OLA1: variants seen among roughly 807,000 people sequenced by gnomAD.
OLA1 encodes the protein obg-like ATPase 1.
A neutral mutation model predicts 48.4 loss-of-function variants in OLA1; 14 were observed. That is an observed-to-expected ratio of 0.29 (90% CI 0.19 to 0.45). The LOEUF (loss-of-function observed/expected upper bound fraction) is 0.45, where lower values mean the gene tolerates loss of function less well. Among genes scored for constraint, OLA1 ranks in the 20% least tolerant of loss-of-function variants. The pLI, the probability that OLA1 is intolerant of heterozygous loss-of-function variation, is 1.00. For synonymous variants in OLA1, 127 were observed against 150.4 expected, an observed-to-expected ratio of 0.84 and a Z score of 1.14; for missense variants, 325 against 467.1, an observed-to-expected ratio of 0.70 and a Z score of 2.80.
intron 2 of OLA1, among the ~76,000 whole-genome samples, chr2:174,238,986 ATAAAT>A (rs1461759200): frequency 1.3e-5 from 2 of 152,180 alleles, no homozygotes; most frequent in Non-Finnish European, 2.9e-5. Flanking sequence ...AACCAAAAGA[ATAAAT>A]TAAGAATCTA....
At chr2:174,212,779 T>C (rs1688274200) in intron 4 of OLA1, among the ~76,000 whole-genome samples, 1 of 152,290 alleles carries the variant, frequency 6.6e-6, no homozygotes, top group East Asian at 1.9e-4. Flanking sequence ...GGATCATCAG[T>C]GTCACTGTCT....
chr2:174,205,293 A>G (rs36042902), intron 4 of OLA1, among the ~76,000 whole-genome samples: 19,590 of 152,176 alleles, frequency 0.13, 1,457 homozygotes, highest in East Asian at 0.21. Context: ...AAAAATGGGG[A>G]AAAAAACAAG....
chr2:174,078,976 C>A lies in OLA1; in HGVS notation c.1081G>T (p.Ala361Ser), dbSNP rs757619392. ...EDFKEEGSEN[A>S]VKAAGKYRQQ... The stretch of plus-strand genomic sequence containing the variant: ...TAAAAACAATTCTTTACCTTGACTG[C>A]ATTTTCAGAACCTTCCTCTTTAAAA... Residue 361 changes from alanine to serine, a missense_variant, in exon 10 of 11, where the codon GCA (alanine) becomes TCA (serine). Transcript: ENST00000284719. 1.3e-6 allele frequency: 2 copies of A among 1,599,254 alleles called. No homozygotes were observed. Among genetic ancestry groups the A allele is most frequent in the Non-Finnish European group, 1.7e-6 (2 of 1,174,654 alleles).
intron 4 of OLA1, among the ~76,000 whole-genome samples, chr2:174,142,725 G>T (rs985491925): frequency 2.0e-5 from 3 of 152,198 alleles, no homozygotes; most frequent in Non-Finnish European, 4.4e-5. Flanking sequence ...ACTGAAGCAT[G>T]TGTACTGACT....
chr2:174,244,620 TAA>T (rs368797598), intron 2 of OLA1, among the ~76,000 whole-genome samples: 2 of 149,636 alleles, frequency 1.3e-5, no homozygotes, highest in African/African-American at 2.5e-5. Context: ...TTTATTTAAT[TAA>T]AAAAAAATTT....
chr2:174,102,348 A>C (rs1261081157), intron 7 of OLA1, among the ~76,000 whole-genome samples: 1 of 151,942 alleles, frequency 6.6e-6, no homozygotes, highest in African/African-American at 2.4e-5. Flanking sequence ...AAAAGTTAAC[A>C]ATTCCACAAT....
At chr2:174,234,897 G>A (rs1337382372) in intron 2 of OLA1, among the ~76,000 whole-genome samples, 1 of 152,192 alleles carries the variant, frequency 6.6e-6, no homozygotes. Context: ...GGTAGCCCAA[G>A]CCTGTAATCC....
intron 4 of OLA1, among the ~76,000 whole-genome samples, chr2:174,152,352 G>A (rs2105389201): frequency 6.6e-6 from 1 of 152,190 alleles, no homozygotes; most frequent in East Asian, 1.9e-4. Context: ...GTAGTGGGTG[G>A]AGATTGGGCC....
At chr2:174,186,317 C>T (rs1275232599) in intron 4 of OLA1, among the ~76,000 whole-genome samples, 2 of 152,110 alleles carry the variant, frequency 1.3e-5, no homozygotes, top group African/African-American at 4.8e-5. Flanking sequence ...ATAAGCTTGA[C>T]AAGATAAGGT....
At chr2:174,225,558 A>AT (rs1375909308) in intron 3 of OLA1, among the ~76,000 whole-genome samples, 1 of 152,118 alleles carries the variant, frequency 6.6e-6, no homozygotes, top group East Asian at 1.9e-4. Flanking sequence ...TCAAAAAAAA[A>AT]AGCTTTCTGA....
At chr2:174,158,954 T>A (rs762178207) in intron 4 of OLA1, among the ~76,000 whole-genome samples, 1 of 152,212 alleles carries the variant, frequency 6.6e-6, no homozygotes, top group Admixed American at 6.5e-5. Flanking sequence ...ACTGCTAATA[T>A]GTTATACCTG....
intron 10 of OLA1, 136 bp downstream of exon 10, chr2:174,078,832 C>T: frequency 1.3e-6 from 1 of 795,856 alleles, no homozygotes; most frequent in Non-Finnish European, 1.9e-6. Context: ...TTGATAGTAA[C>T]ACTAAACGCT....
intron 7 of OLA1, among the ~76,000 whole-genome samples, chr2:174,112,839 T>G (rs1402133201): frequency 6.6e-6 from 1 of 152,214 alleles, no homozygotes; most frequent in East Asian, 1.9e-4. Flanking sequence ...TTACCTAGTC[T>G]GTGGTATCTG....
chr2:174,143,761 G>A (rs1275195439), intron 4 of OLA1, among the ~76,000 whole-genome samples: 1 of 152,160 alleles, frequency 6.6e-6, no homozygotes, highest in Non-Finnish European at 1.5e-5. Context: ...GAAAAAAAGA[G>A]AATAAAGGAG....
chr2:174,221,591 G>C (rs773547408), intron 4 of OLA1, among the ~76,000 whole-genome samples: 9 of 151,940 alleles, frequency 5.9e-5, no homozygotes, highest in Non-Finnish European at 1.2e-4. Context: ...CTCTTGCCCC[G>C]ATCCTTCTGT....
At chr2:174,120,837 C>A (rs1685898388) in intron 7 of OLA1, among the ~76,000 whole-genome samples, 2 of 152,144 alleles carry the variant, frequency 1.3e-5, no homozygotes, top group South Asian at 4.1e-4. Flanking sequence ...AAGTCACAAA[C>A]CTCTCCTCTC....
At chr2:174,100,614 C>A (rs1685369595) in intron 7 of OLA1, among the ~76,000 whole-genome samples, 1 of 152,114 alleles carries the variant, frequency 6.6e-6, no homozygotes, top group South Asian at 2.1e-4. Flanking sequence ...CACTGTGCTA[C>A]CTATGCTGGT....
chr2:174,097,165 A>T (rs1372384737), intron 7 of OLA1, among the ~76,000 whole-genome samples: 1 of 152,176 alleles, frequency 6.6e-6, no homozygotes, highest in Non-Finnish European at 1.5e-5. Context: ...CAAAATAAAT[A>T]AATTAATTTT....
chr2:174,216,357 A>G (rs1385776798), intron 4 of OLA1, among the ~76,000 whole-genome samples: 1 of 152,128 alleles, frequency 6.6e-6, no homozygotes, highest in African/African-American at 2.4e-5. Flanking sequence ...ACAAAGTGCT[A>G]TTAGTGATGC....
Sources: gnomAD v4.1 joint callset for allele counts (sites outside exome capture counted in the v4.1 genomes callset) on GRCh38, gnomAD v4.1.1 for gene constraint, MANE v1.5 for transcripts, NCBI Gene and HGNC (gene_info 2026-07-23, HGNC 2026-07-21) for gene names.